NCALD: variants seen among roughly 807,000 people sequenced by gnomAD.
NCALD encodes the protein neurocalcin-delta.
Under a neutral mutation model 18.6 loss-of-function variants are expected in NCALD, and 10 were observed. The ratio of observed to expected loss-of-function variants is 0.54; its 90% CI spans 0.33 to 0.91. The LOEUF is 0.91. Ranked by LOEUF, NCALD falls within the 40% of genes least tolerant of loss-of-function variation. The pLI is 0.03. For synonymous variants in NCALD, 88 were observed against 87.4 expected (o/e 1.01, Z -0.04); for missense variants, 184 against 247.6 (o/e 0.74, Z 1.72).
chr8:101,707,506 T>A lies in NCALD; in HGVS notation c.378+11746A>T, dbSNP rs865791860. 3.5e-4 allele frequency among the ~76,000 whole-genome samples: 54 copies of A among 152,210 alleles called. No homozygotes were observed. The Middle Eastern group carries it at 0.02, about 58-fold the overall frequency. On this transcript the variant is annotated intron_variant, in intron 2 of 3. Transcript: ENST00000220931. ...TTCATCACAGGGGTGAATCAGAAAA[T>A]TTTTTTCCCATACTGCTAAAAGTAG...
At chr8:101,716,195 C>A (rs1215486860) in intron 2 of NCALD, among the ~76,000 whole-genome samples, 1 of 152,116 alleles carries the variant, frequency 6.6e-6, no homozygotes, top group Non-Finnish European at 1.5e-5. Flanking sequence ...TGGATACCAT[C>A]ATTCTCAGCA....
intron 1 of NCALD, among the ~76,000 whole-genome samples, chr8:101,754,408 C>T (rs747078497): frequency 1.3e-5 from 2 of 152,160 alleles, no homozygotes; most frequent in Non-Finnish European, 2.9e-5. Context: ...GAAATTTATT[C>T]CTCACAGTTC....
chr8:101,947,066 T>C (rs1819204786), intron 2 of NCALD, among the ~76,000 whole-genome samples: 1 of 152,136 alleles, frequency 6.6e-6, no homozygotes, highest in African/African-American at 2.4e-5. Context: ...CTTGAAGCAT[T>C]TCCTCAAAGA....
intron 1 of NCALD, among the ~76,000 whole-genome samples, chr8:102,070,430 T>G (rs529350339): frequency 1.2e-4 from 19 of 152,254 alleles, no homozygotes; most frequent in Non-Finnish European, 2.4e-4. Context: ...TCTGTCACTT[T>G]CATTTTTTTC....
chr8:102,085,810 T>G (rs1217619936), intron 1 of NCALD, among the ~76,000 whole-genome samples: 2 of 151,886 alleles, frequency 1.3e-5, no homozygotes, highest in African/African-American at 4.8e-5. Flanking sequence ...TGGAATTTTG[T>G]GGCAAAAATT....
chr8:101,902,764 C>T (rs1371645140), intron 3 of NCALD, among the ~76,000 whole-genome samples: 1 of 152,182 alleles, frequency 6.6e-6, no homozygotes, highest in Non-Finnish European at 1.5e-5. Context: ...GTGCTTCCTC[C>T]TAATTTCTGC....
At chr8:101,820,448 GAATA>G (rs1813674050) in intron 4 of NCALD, among the ~76,000 whole-genome samples, 1 of 152,126 alleles carries the variant, frequency 6.6e-6, no homozygotes, top group Admixed American at 6.6e-5. Context: ...ATTAATGAAT[GAATA>G]AACATACATT....
intron 2 of NCALD, chr8:102,020,198 G>A (rs1335234233): frequency 3.3e-5 from 5 of 152,142 alleles, no homozygotes; most frequent in Non-Finnish European, 5.9e-5. Context: ...GAAGAAAAGT[G>A]TTGTTTACAA....
intron 3 of NCALD, among the ~76,000 whole-genome samples, chr8:101,895,209 A>G (rs1407831156): frequency 6.7e-6 from 1 of 149,706 alleles, no homozygotes; most frequent in Admixed American, 6.6e-5. Flanking sequence ...CTGGTTCGAT[A>G]TACGCAAATC....
At chr8:102,079,713 C>T (rs185935099) in intron 1 of NCALD, among the ~76,000 whole-genome samples, 198 of 152,320 alleles carry the variant, frequency 1.3e-3, no homozygotes, top group Non-Finnish European at 2.4e-3. Context: ...CCTTTTCTCA[C>T]GCACCTCCCA....
chr8:101,921,334 T>C (rs965832629), intron 2 of NCALD, among the ~76,000 whole-genome samples: 17 of 151,716 alleles, frequency 1.1e-4, no homozygotes, highest in African/African-American at 4.1e-4. Flanking sequence ...GAATAAAATA[T>C]CAATAAATAT....
intron 4 of NCALD, among the ~76,000 whole-genome samples, chr8:101,808,380 T>C (rs1813185951): frequency 6.6e-6 from 1 of 152,206 alleles, no homozygotes; most frequent in Non-Finnish European, 1.5e-5. Flanking sequence ...ATTTAAGTTT[T>C]TCTCTTTGAT....
chr8:101,953,810 G>A (rs1162921528), intron 2 of NCALD, among the ~76,000 whole-genome samples: 1 of 152,232 alleles, frequency 6.6e-6, no homozygotes, highest in African/African-American at 2.4e-5. Flanking sequence ...AAACTGAGGG[G>A]GTAATGGGAA....
At chr8:101,787,578 C>A (rs1812278004) in intron 1 of NCALD, among the ~76,000 whole-genome samples, 1 of 152,140 alleles carries the variant, frequency 6.6e-6, no homozygotes, top group Admixed American at 6.5e-5. Flanking sequence ...GAATATCAGG[C>A]ACTATTTTCT....
chr8:101,779,115 A>G lies in NCALD; in HGVS notation c.-20+11747T>C, dbSNP rs149376296. Among the ~76,000 whole-genome samples the G allele has an allele frequency of 5.6e-3, 860 of 152,266 alleles. 11 individuals carry two copies. Among genetic ancestry groups the G allele is most frequent in the African/African-American group, 0.018 (755 of 41,564 alleles). Reference sequence around the variant, plus strand: ...ATTTGGCGTCTATTTTTCAATTATGAGGGCAAAATGAAGATCTACAAAGAT... The same window carrying G: ...ATTTGGCGTCTATTTTTCAATTATGGGGGCAAAATGAAGATCTACAAAGAT... On this transcript the variant is annotated intron_variant, in intron 1 of 3. Transcript: ENST00000220931.
chr8:102,106,573 C>T (rs1281507012), intron 1 of NCALD, among the ~76,000 whole-genome samples: 1 of 151,938 alleles, frequency 6.6e-6, no homozygotes, highest in Non-Finnish European at 1.5e-5. Flanking sequence ...CTGCAGCGTG[C>T]CCTGATCCTC....
At chr8:101,944,075 A>G (rs1182870705) in intron 2 of NCALD, among the ~76,000 whole-genome samples, 1 of 152,204 alleles carries the variant, frequency 6.6e-6, no homozygotes, top group Non-Finnish European at 1.5e-5. Context: ...TGATATTATT[A>G]TCCTTCATAT....
At chr8:101,782,386 A>C (rs1812052810) in intron 1 of NCALD, among the ~76,000 whole-genome samples, 1 of 152,122 alleles carries the variant, frequency 6.6e-6, no homozygotes, top group South Asian at 2.1e-4. Context: ...AAATGGACAA[A>C]AATACTTAGC....
At chr8:101,760,622 C>T (rs1811073356) in intron 1 of NCALD, among the ~76,000 whole-genome samples, 1 of 152,184 alleles carries the variant, frequency 6.6e-6, no homozygotes, top group South Asian at 2.1e-4. Flanking sequence ...AGCGCATAGG[C>T]TGTTTCTGTC....
Sources: gnomAD v4.1 joint callset for allele counts (sites outside exome capture counted in the v4.1 genomes callset) on GRCh38, gnomAD v4.1.1 for gene constraint, MANE v1.5 for transcripts, NCBI Gene and HGNC (gene_info 2026-07-23, HGNC 2026-07-21) for gene names.